RLBP1: variants seen among roughly 807,000 people sequenced by gnomAD.
RLBP1 encodes retinaldehyde-binding protein 1.
Under a neutral mutation model 36.2 loss-of-function variants are expected in RLBP1, and 26 were observed. The observed-to-expected ratio is 0.72, with a 90% CI of 0.53 to 1.00. The LOEUF (loss-of-function observed/expected upper bound fraction) is 1.00. Among genes scored for constraint, RLBP1 ranks in the 50% least tolerant of loss-of-function variants. The pLI is 0.00. For synonymous variants in RLBP1, 155 were observed against 156.2 expected, an observed-to-expected ratio of 0.99 and a Z score of 0.06; for missense variants, 410 against 402.4, an observed-to-expected ratio of 1.02 and a Z score of -0.16.
rs1422074977 is a variant in RLBP1 at position 89,220,694 on chromosome 15, G to A, written c.-223-835C>T. ...GCTGTGCTATCAGTTGGGTTTTGCTGGAACAGGAATGGAAATGGAGAGGCT... is the reference window on the plus strand; with the variant it reads ...GCTGTGCTATCAGTTGGGTTTTGCTAGAACAGGAATGGAAATGGAGAGGCT... On this transcript the variant is annotated intron_variant, in intron 1 of 8. Transcript: ENST00000268125. Among the ~76,000 whole-genome samples, 6 of 152,268 alleles carry A rather than the reference G, an allele frequency of 3.9e-5. No individual in the cohort carries two copies. In the East Asian group the frequency reaches 1.2e-3, roughly 29 times the overall value.
In RLBP1 at chr15:89,209,951, A is replaced by G. The variant is rs886051500; in HGVS notation, c.*334T>C. ...ACCCGGGCTCCTTGCCTGTTTTCAC[A>G]GACTCTAAGTCGTAAAACTCTGTTA... is the stretch of plus-strand genomic sequence containing the variant. On this transcript the variant is annotated 3_prime_UTR_variant, in exon 9 of 9. Coordinates refer to ENST00000268125, the MANE Select transcript of RLBP1 (RefSeq NM_000326.5). 8.4e-6 allele frequency: 3 copies of G among 358,728 alleles called. No individual in the cohort carries two copies. In the East Asian group the frequency reaches 1.9e-4, roughly 22 times the overall value. 22.2% of individuals were successfully genotyped at this position (358,728 alleles called of 1,614,324 possible).
At chr15:89,213,328 T>C (rs530083384) in intron 6 of RLBP1, among the ~76,000 whole-genome samples, 42 of 151,766 alleles carry the variant, frequency 2.8e-4, no homozygotes, top group African/African-American at 8.9e-4. Context: ...AGAAAAACTA[T>C]CTCCTCTACT....
intron 6 of RLBP1, among the ~76,000 whole-genome samples, chr15:89,212,187 G>A (rs2051543829): frequency 6.6e-6 from 1 of 152,212 alleles, no homozygotes; most frequent in South Asian, 2.1e-4. Flanking sequence ...GTACATTTAT[G>A]CCATGGAATA....
intron 5 of RLBP1, 81 bp from the exon 6 acceptor site, chr15:89,215,319 T>TGGCAG: frequency 1.1e-5 from 16 of 1,446,150 alleles, no homozygotes; most frequent in Non-Finnish European, 1.4e-5. Flanking sequence ...CTCAGAGACC[T>TGGCAG]GACCTCCTGC....
rs1312890771 is a variant in RLBP1, at chr15:89,218,252, C to T, written c.141+313G>A. Among the ~76,000 whole-genome samples the T allele has an allele frequency of 2.0e-5, 3 of 152,226 alleles. No homozygotes were observed. Among genetic ancestry groups the T allele is most frequent in the Non-Finnish European group, 4.4e-5 (3 of 68,026 alleles). ...AAGTCTCTTGCCTGTCTAGCAGGGG[C>T]AGCAGTTGGATCCTTGTTCCCCGGG... On this transcript the variant is annotated intron_variant, in intron 4 of 8. Transcript: ENST00000268125. This position sits in a 1 kb window ranked among gnomAD's most constrained non-coding sequence, Gnocchi z 4.6.
Position 89,211,659 on chromosome 15 carries a change from C to T in RLBP1, c.684+84G>A. 6.8e-7 allele frequency: 1 copy of T among 1,463,876 alleles called. No homozygotes were observed. Among genetic ancestry groups the T allele is most frequent in the South Asian group, 1.2e-5 (1 of 86,656 alleles). The allele number at this position is 1,463,876 out of a possible 1,614,324, so 90.7% of individuals were successfully genotyped here. On this transcript the variant is annotated intron_variant, in intron 7 of 8. Transcript: ENST00000268125. The surrounding 1 kb of genome is among the most constrained non-coding windows in gnomAD (Gnocchi z 5.8). ...GCGAGGTGGTCCAACTTCTCAGTTC[C>T]CTGCAAGCACCATGAAAGGAGGCCC...
At position 89,219,846 on chromosome 15, in the gene RLBP1, G is replaced by C. The variant is rs2051612409; in HGVS notation, c.-210C>G. On this transcript the variant is annotated 5_prime_UTR_variant, in exon 2 of 9. Transcript: ENST00000268125. The stretch of plus-strand genomic sequence containing the variant: ...TTGCAGGCTGTGAGATTTAACCCCA[G>C]TCTTGGTTGTTCCCTGTAAAGTAGG... 1 of 152,276 alleles carries C rather than the reference G, an allele frequency of 6.6e-6. No homozygotes were observed. The highest frequency in any genetic ancestry group is 1.9e-4 in the East Asian group (1 of 5,206). 9.4% of individuals were successfully genotyped at this position (152,276 alleles called of 1,614,324 possible). A position where few individuals can be genotyped will look rare whatever the true frequency, so the allele number is the denominator to read the frequency against.
chr15:89,211,626 T>C lies in RLBP1; in HGVS notation c.684+117A>G. On this transcript the variant is annotated intron_variant, in intron 7 of 8. Transcript: ENST00000268125. This position sits in a 1 kb window ranked among gnomAD's most constrained non-coding sequence, Gnocchi z 5.8. The stretch of plus-strand genomic sequence containing the variant: ...GTTGGGACTGTGGCTGTCACTGCTC[T>C]TTATGGCGCGAGGTGGTCCAACTTC... 9.6e-6 allele frequency: 10 copies of C among 1,043,236 alleles called. No individual in the cohort carries two copies. The highest frequency in any genetic ancestry group is 1.4e-5 in the Non-Finnish European group (10 of 697,634). The allele number at this position is 1,043,236 out of a possible 1,614,324, so 64.6% of individuals were successfully genotyped here.
In RLBP1 at chr15:89,217,113, G is replaced by T. The variant is rs1240607421; in HGVS notation, c.346+7C>A. 1 of 1,576,908 alleles carries T rather than the reference G, an allele frequency of 6.3e-7. No individual in the cohort carries two copies. The highest frequency in any genetic ancestry group is 2.2e-5 in the East Asian group (1 of 44,856). The stretch of plus-strand genomic sequence containing the variant: ...CCCAGGGCCGTCCCTCCAAGCACTG[G>T]CCTCACCTCTGAGCAGCTCATAGGC... On this transcript the variant is annotated splice_region_variant and intron_variant, in intron 5 of 8. Transcript: ENST00000268125.
rs2051597324 is a variant in RLBP1 at position 89,218,124 on chromosome 15, C to A, written c.141+441G>T. On this transcript the variant is annotated intron_variant, in intron 4 of 8. Coordinates refer to ENST00000268125, the MANE Select transcript of RLBP1 (RefSeq NM_000326.5). This position sits in a 1 kb window ranked among gnomAD's most constrained non-coding sequence, Gnocchi z 4.6. ...ACAATCTGATCACCTCTGAGCTAGTCCACCAACCGTCTTTCATAGATACAG... is the reference window on the plus strand; with the variant it reads ...ACAATCTGATCACCTCTGAGCTAGTACACCAACCGTCTTTCATAGATACAG... 6.6e-6 allele frequency among the ~76,000 whole-genome samples: 1 copy of A among 152,180 alleles called. No individual in the cohort carries two copies. The highest frequency in any genetic ancestry group is 1.5e-5 in the Non-Finnish European group (1 of 68,030).
rs1353176401 is a variant in RLBP1, at chr15:89,219,182, G to A, written c.-100-107C>T. The A allele has an allele frequency of 1.8e-5, 12 of 651,642 alleles. No individual in the cohort carries two copies. The East Asian group carries it at 2.2e-4, about 12-fold the overall frequency. 40.4% of individuals were successfully genotyped at this position (651,642 alleles called of 1,614,324 possible). A position where few individuals can be genotyped will look rare whatever the true frequency, so the allele number is the denominator to read the frequency against. ...GCATTTGTTAGAAACGCAGGTGCCT[G>A]GGTCCCAACCTCCATGATTCTGACT... On this transcript the variant is annotated intron_variant, in intron 2 of 8. Transcript: ENST00000268125.
In RLBP1 at chr15:89,210,722, A is replaced by G; in HGVS notation, c.772T>C (p.Leu258=). The stretch of plus-strand genomic sequence containing the variant: ...ACCCTCTCAAGCAGCTTGCTCTTCA[A>G]GAAGGGCTTGACCACATTGTAGGTC... ...TTTYNVVKPF[L]KSKLLERVFV... The change falls in exon 8 of 9, where the codon TTG becomes CTG. Residue 258 remains leucine (L), a synonymous_variant. Coordinates refer to ENST00000268125, the MANE Select transcript of RLBP1 (RefSeq NM_000326.5). This position sits in a 1 kb window ranked among gnomAD's most constrained non-coding sequence, Gnocchi z 4.7. The G allele has an allele frequency of 6.2e-7, 1 of 1,600,374 alleles. No homozygotes were observed. The highest frequency in any genetic ancestry group is 1.1e-5 in the South Asian group (1 of 88,780).
Position 89,210,124 on chromosome 15 carries a change from C to T in RLBP1, c.*161G>A, listed in dbSNP as rs1442974250. On this transcript the variant is annotated 3_prime_UTR_variant, in exon 9 of 9. Coordinates refer to ENST00000268125, the MANE Select transcript of RLBP1 (RefSeq NM_000326.5). This position sits in a 1 kb window ranked among gnomAD's most constrained non-coding sequence, Gnocchi z 4.7. ...GAATTCCCCCTCCTTTATTACCCAT[C>T]CCCCAACTTGAGAACAGGGTGACAC... 1.2e-5 allele frequency: 9 copies of T among 755,094 alleles called. No homozygotes were observed. The highest frequency in any genetic ancestry group is 2.5e-5 in the East Asian group (1 of 39,856). 46.8% of individuals were successfully genotyped at this position (755,094 alleles called of 1,614,324 possible).
At chr15:89,215,950 C>T (rs911381275) in intron 5 of RLBP1, among the ~76,000 whole-genome samples, 1 of 152,214 alleles carries the variant, frequency 6.6e-6, no homozygotes, top group African/African-American at 2.4e-5. Context: ...TTCAAAATTC[C>T]CTTTGCACTG....
In RLBP1 at chr15:89,210,814, G is replaced by A. The variant is rs1453001738; in HGVS notation, c.685-5C>T. 1.5e-5 allele frequency: 24 copies of A among 1,567,260 alleles called. No individual in the cohort carries two copies. The highest frequency in any genetic ancestry group is 9.3e-5 in the South Asian group (8 of 86,160). ...GAACCGGGCTGGGAAGGAATCCTGC[G>A]GTGACAGAGAGATACCCCGTTCCCC... On this transcript the variant is annotated splice_region_variant and splice_polypyrimidine_tract_variant and intron_variant, in intron 7 of 8. Transcript: ENST00000268125. The surrounding 1 kb of genome is among the most constrained non-coding windows in gnomAD (Gnocchi z 4.7).
At chr15:89,215,394 A>C (rs1184400709) in intron 5 of RLBP1, among the ~76,000 whole-genome samples, 156 bp from the exon 6 acceptor site, 2 of 152,120 alleles carry the variant, frequency 1.3e-5, no homozygotes, top group Admixed American at 1.3e-4. Context: ...CTCTCCAAAA[A>C]ATGGGATCTC....
Position 89,210,509 on chromosome 15 carries a change from G to C in RLBP1, c.796-66C>G. The C allele has an allele frequency of 6.4e-7, 1 of 1,570,178 alleles. No individual in the cohort carries two copies. Among genetic ancestry groups the C allele is most frequent in the Non-Finnish European group, 8.8e-7 (1 of 1,141,408 alleles). ...TGCCCTAAGGATGAGGGTTGAGGGA[G>C]GAAAGGGGCAGGAGGACAAAGCCCC... On this transcript the variant is annotated intron_variant, in intron 8 of 8. Transcript: ENST00000268125. The surrounding 1 kb of genome is among the most constrained non-coding windows in gnomAD (Gnocchi z 4.7).
chr15:89,215,286 C>G, intron 5 of RLBP1, 48 bp from the exon 6 acceptor site: 1 of 1,592,504 alleles, frequency 6.3e-7, no homozygotes. Flanking sequence ...CATCCCATCC[C>G]TACCCCATCC....
rs1397529929 is a variant in RLBP1 at position 89,211,591 on chromosome 15, G to A, written c.684+152C>T. 1.4e-6 allele frequency: 1 copy of A among 700,768 alleles called. No individual in the cohort carries two copies. The highest frequency in any genetic ancestry group is 1.8e-5 in the African/African-American group (1 of 56,220). 43.4% of individuals were successfully genotyped at this position (700,768 alleles called of 1,614,324 possible). A position where few individuals can be genotyped will look rare whatever the true frequency, so the allele number is the denominator to read the frequency against. ...TTGGCAAACTGTCAATCACTATGCA[G>A]GTGCTTATGGTTGGGACTGTGGCTG... is the stretch of plus-strand genomic sequence containing the variant. On this transcript the variant is annotated intron_variant, in intron 7 of 8. Transcript: ENST00000268125. The surrounding 1 kb of genome is among the most constrained non-coding windows in gnomAD (Gnocchi z 5.8).
Sources: allele counts gnomAD v4.1 joint callset (sites outside exome capture counted in the v4.1 genomes callset), GRCh38; gene constraint gnomAD v4.1.1; non-coding constraint Gnocchi (gnomAD v3.1); transcripts MANE v1.5; gene names NCBI Gene and HGNC (gene_info 2026-07-23, HGNC 2026-07-21).